ACOT11: variants seen among roughly 807,000 people sequenced by gnomAD.
The protein encoded by ACOT11 is acyl-coenzyme A thioesterase 11.
A neutral mutation model predicts 77.5 loss-of-function variants in ACOT11; 69 were observed. The ratio of observed to expected loss-of-function variants is 0.89; its 90% CI spans 0.73 to 1.09. The LOEUF (loss-of-function observed/expected upper bound fraction) is 1.09, where lower values mean the gene tolerates loss of function less well. ACOT11 is among the 50% of genes least tolerant of loss of function. The pLI, the probability that ACOT11 is intolerant of heterozygous loss-of-function variation, is 0.00. For synonymous variants in ACOT11, 279 were observed against 313.0 expected (o/e 0.89, Z 1.15); for missense variants, 766 against 813.7 (o/e 0.94, Z 0.71).
chr1:54,622,275 CAAAAAAAAA>C (rs34730286), intron 15 of ACOT11, among the ~76,000 whole-genome samples: 1 of 45,932 alleles, frequency 2.2e-5, no homozygotes, highest in African/African-American at 9.0e-5. Context: ...GACTCTGTCT[CAAAAAAAAA>C]AAAAAAAAAA....
At chr1:54,601,232 G>T (rs1270366684) in intron 8 of ACOT11, 37 bp from the exon 9 acceptor site, 25 of 1,595,676 alleles carry the variant, frequency 1.6e-5, no homozygotes, top group Non-Finnish European at 2.1e-5. Flanking sequence ...CCTTGGGAAG[G>T]TCTGTCCAGG....
rs767136119 is a variant in ACOT11, at chr1:54,609,408, C to G, written c.*296C>G. On this transcript the variant is annotated 3_prime_UTR_variant, in exon 16 of 16. Coordinates refer to ENST00000343744, the MANE Select transcript of ACOT11 (RefSeq NM_147161.4). ...TAGTCGCCCCCAGCTGGGTTGTGCTCCACTGTGACGGTGGCCCGGGGGGAG... is the reference window on the plus strand; with the variant it reads ...TAGTCGCCCCCAGCTGGGTTGTGCTGCACTGTGACGGTGGCCCGGGGGGAG... 2 of 1,614,028 alleles carry G rather than the reference C, an allele frequency of 1.2e-6. No individual in the cohort carries two copies. The highest frequency in any genetic ancestry group is 2.2e-5 in the East Asian group (1 of 44,880).
intron 15 of ACOT11, among the ~76,000 whole-genome samples, chr1:54,624,877 CAG>C (rs1433512105): frequency 2.0e-5 from 3 of 151,228 alleles, no homozygotes; most frequent in Admixed American, 6.6e-5. Context: ...ACCTGGTGCT[CAG>C]GGGGTGCTAT....
intron 12 of ACOT11, among the ~76,000 whole-genome samples, 194 bp from the exon 13 acceptor site, chr1:54,604,882 T>G (rs963274893): frequency 6.6e-5 from 10 of 152,178 alleles, no homozygotes; most frequent in Non-Finnish European, 1.2e-4. Flanking sequence ...ACTGTTGTCT[T>G]AAGCCACCTT....
intron 1 of ACOT11, among the ~76,000 whole-genome samples, chr1:54,561,699 C>G (rs1241980881): frequency 3.8e-5 from 5 of 132,524 alleles, no homozygotes; most frequent in African/African-American, 1.2e-4. Context: ...GCGCCCCTCA[C>G]CTCCCGGACG....
intron 16 of ACOT11, among the ~76,000 whole-genome samples, chr1:54,633,383 G>A (rs1236847878): frequency 6.6e-6 from 1 of 152,180 alleles, no homozygotes; most frequent in Non-Finnish European, 1.5e-5. Flanking sequence ...AGAGCCATCA[G>A]TTCAGTTATA....
At chr1:54,621,189 G>C (rs1466709591) in intron 15 of ACOT11, among the ~76,000 whole-genome samples, 3 of 151,648 alleles carry the variant, frequency 2.0e-5, no homozygotes, top group Admixed American at 1.3e-4. Context: ...GCGCGCGGCG[G>C]CTGACGCCTG....
At chr1:54,578,948 G>A (rs1258110284) in intron 1 of ACOT11, among the ~76,000 whole-genome samples, 1 of 152,128 alleles carries the variant, frequency 6.6e-6, no homozygotes, top group Non-Finnish European at 1.5e-5. Flanking sequence ...ATACATATAG[G>A]AGATGCTTCA....
chr1:54,600,119 T>C (rs974619576), intron 8 of ACOT11, among the ~76,000 whole-genome samples: 1 of 152,198 alleles, frequency 6.6e-6, no homozygotes, highest in East Asian at 1.9e-4. Context: ...AAATGTCCGG[T>C]AAAGGTCAGC....
intron 15 of ACOT11, among the ~76,000 whole-genome samples, chr1:54,608,276 GA>G (rs1161524931): frequency 1.3e-5 from 2 of 152,166 alleles, no homozygotes; most frequent in Non-Finnish European, 2.9e-5. Flanking sequence ...CATGGTCTTG[GA>G]AAAAGCTCTG....
At chr1:54,634,761 G>T (rs1198910539) in exon 17 of ACOT11, 17 of 701,242 alleles carry the variant, frequency 2.4e-5, no homozygotes, top group Non-Finnish European at 3.9e-5. Context: ...CCAAGGAAGA[G>T]ACTCTGGGAG....
At chr1:54,595,139 G>C (rs536635884) in intron 6 of ACOT11, among the ~76,000 whole-genome samples, 2 of 152,148 alleles carry the variant, frequency 1.3e-5, no homozygotes, top group South Asian at 2.1e-4. Context: ...CTGAGGCCAG[G>C]AGTTCAAGAC....
At chr1:54,562,099 C>A (rs1357347772) in intron 1 of ACOT11, among the ~76,000 whole-genome samples, 1 of 74,008 alleles carries the variant, frequency 1.4e-5, no homozygotes, top group Non-Finnish European at 2.6e-5. Flanking sequence ...GGCTGACCCC[C>A]CCAACCTCCC....
chr1:54,604,349 T>C lies in ACOT11; in HGVS notation c.1156T>C (p.Tyr386His). ...SVPWDPSNQV[Y>H]LSYNNVSSLK... ...TAGCACCTGTGTACTCTTTCAGGTGTACCTGAGCTACAATAACGTCTCCTC... is the reference window on the plus strand; with the variant it reads ...TAGCACCTGTGTACTCTTTCAGGTGCACCTGAGCTACAATAACGTCTCCTC... The change falls in exon 12 of 16, where the codon TAC (tyrosine) becomes CAC (histidine). Residue 386 changes from tyrosine (Y) to histidine (H), a missense_variant. Physicochemically the swap from Tyr to His is moderately conservative, Grantham distance 83 (BLOSUM62 2). Transcript: ENST00000343744. 1 of 1,613,690 alleles carries C rather than the reference T, an allele frequency of 6.2e-7. No individual in the cohort carries two copies. The highest frequency in any genetic ancestry group is 8.5e-7 in the Non-Finnish European group (1 of 1,179,794).
intron 15 of ACOT11, chr1:54,630,714 G>A (rs1377672974): frequency 1.5e-6 from 1 of 678,896 alleles, no homozygotes; most frequent in African/African-American, 1.8e-5. Flanking sequence ...ATTTCTCTGT[G>A]TGTCTTTTAA....
At chr1:54,624,593 T>G (rs1644260618) in intron 15 of ACOT11, among the ~76,000 whole-genome samples, 1 of 151,850 alleles carries the variant, frequency 6.6e-6, no homozygotes, top group South Asian at 2.1e-4. Context: ...GGCGGAGAGT[T>G]GGAGGAAGAG....
chr1:54,613,222 A>G (rs2101016976), downstream of ACOT11, among the ~76,000 whole-genome samples: 1 of 152,130 alleles, frequency 6.6e-6, no homozygotes, highest in East Asian at 1.9e-4. Context: ...TCTACTAAAA[A>G]TACAAAATTA....
At chr1:54,556,461 A>G (rs1653261320) in intron 1 of ACOT11, among the ~76,000 whole-genome samples, 1 of 152,194 alleles carries the variant, frequency 6.6e-6, no homozygotes, top group Non-Finnish European at 1.5e-5. Context: ...ATTGCATTGA[A>G]TCTGTAGATC....
Position 54,585,000 on chromosome 1 carries a change from T to C in ACOT11, c.241+138T>C. 1.0e-6 allele frequency: 1 copy of C among 958,412 alleles called. No individual in the cohort carries two copies. Among genetic ancestry groups the C allele is most frequent in the Non-Finnish European group, 1.5e-6 (1 of 652,120 alleles). The allele number at this position is 958,412 out of a possible 1,614,324, so 59.4% of individuals were successfully genotyped here. A position where few individuals can be genotyped will look rare whatever the true frequency, so the allele number is the denominator to read the frequency against. ...GCCTTTGCTCATGCTGGTCCCTTTG[T>C]CTGAAATGCCCTTCCTGATGTCTCA... is the stretch of plus-strand genomic sequence containing the variant. On this transcript the variant is annotated intron_variant, in intron 2 of 15. Coordinates refer to ENST00000343744, the MANE Select transcript of ACOT11 (RefSeq NM_147161.4). The surrounding 1 kb of genome is among the most constrained non-coding windows in gnomAD (Gnocchi z 6.3).
Sources: allele counts gnomAD v4.1 joint callset (sites outside exome capture counted in the v4.1 genomes callset), GRCh38; gene constraint gnomAD v4.1.1; non-coding constraint Gnocchi (gnomAD v3.1); transcripts MANE v1.5; gene names NCBI Gene and HGNC (gene_info 2026-07-23, HGNC 2026-07-21).